The following MAX variants were observed in gnomAD, a reference collection of about 807,000 sequenced individuals.
MAX encodes the protein MYC associated transcriptional regulator X, also known as protein max.
Under a neutral mutation model 22.3 loss-of-function variants are expected in MAX, and 3 were observed. That is an observed-to-expected ratio of 0.13 (90% CI 0.06 to 0.35). The LOEUF is 0.35. MAX is among the 10% of genes least tolerant of loss of function. MAX has a pLI of 1.00. For synonymous variants in MAX, 72 were observed against 77.7 expected (o/e 0.93, Z 0.39); for missense variants, 119 against 209.4 (o/e 0.57, Z 2.66).
rs768105890 is a variant in MAX at position 65,027,565 on chromosome 14, A to G, written c.172-21281T>C. 6 of 1,614,076 alleles carry G rather than the reference A, an allele frequency of 3.7e-6. No homozygotes were observed. The African/African-American group carries it at 4.0e-5, about 11-fold the overall frequency. On this transcript the variant is annotated intron_variant, in intron 3 of 3. Transcript: ENST00000341653. The surrounding 1 kb of genome is among the most constrained non-coding windows in gnomAD (Gnocchi z 5.7). ...TGCAGCAGTCAATGCATTGTGCATC[A>G]TTGGCACCGAGGAGGCCTATGACAT... is the stretch of plus-strand genomic sequence containing the variant.
rs776021175 is a variant in MAX, at chr14:65,079,306, A to G, written c.172-1270T>C. Among the ~76,000 whole-genome samples, 1 of 152,198 alleles carries G rather than the reference A, an allele frequency of 6.6e-6. No individual in the cohort carries two copies. The highest frequency in any genetic ancestry group is 1.5e-5 in the Non-Finnish European group (1 of 68,026). ...CGGTGCTTGATGTCAACACAGGAAG[A>G]GCATGAGATTGGGCCATTTCAGGAA... On this transcript the variant is annotated intron_variant, in intron 3 of 4. Coordinates refer to ENST00000358664, the MANE Select transcript of MAX (RefSeq NM_002382.5). The surrounding 1 kb of genome is among the most constrained non-coding windows in gnomAD (Gnocchi z 4.5).
At chr14:65,008,851 A>G (rs1339348274) in intron 3 of MAX, among the ~76,000 whole-genome samples, 1 of 152,092 alleles carries the variant, frequency 6.6e-6, no homozygotes, top group Non-Finnish European at 1.5e-5. Context: ...GTACACATAG[A>G]TGTGTAAGTT....
intron 2 of MAX, among the ~76,000 whole-genome samples, chr14:65,099,037 T>C (rs1484759820): frequency 6.6e-6 from 1 of 152,194 alleles, no homozygotes; most frequent in Non-Finnish European, 1.5e-5. Context: ...ACATCTTTTT[T>C]TAAACCTTTT....
chr14:65,097,281 T>C (rs528139599), intron 2 of MAX, among the ~76,000 whole-genome samples: 3 of 152,384 alleles, frequency 2.0e-5, no homozygotes, highest in African/African-American at 7.2e-5. Context: ...AGAAGTCATC[T>C]AGGCTAAGGA....
intron 3 of MAX, among the ~76,000 whole-genome samples, chr14:65,059,630 G>C (rs2062816004): frequency 6.6e-6 from 1 of 152,054 alleles, no homozygotes; most frequent in Admixed American, 6.5e-5. Context: ...CTCTCCTGCA[G>C]TTGTGTCCCC....
At position 65,079,425 on chromosome 14, in the gene MAX, C is replaced by G. The variant is rs924897009; in HGVS notation, c.172-1389G>C. Among the ~76,000 whole-genome samples the G allele has an allele frequency of 6.6e-6, 1 of 152,192 alleles. No homozygotes were observed. Among genetic ancestry groups the G allele is most frequent in the African/African-American group, 2.4e-5 (1 of 41,434 alleles). ...ATAACATGGATGTCATGTTACTGTGCCCCTAGACATCAAACTTGTCTGGGA... is the reference window on the plus strand; with the variant it reads ...ATAACATGGATGTCATGTTACTGTGGCCCTAGACATCAAACTTGTCTGGGA... On this transcript the variant is annotated intron_variant, in intron 3 of 4. Coordinates refer to ENST00000358664, the MANE Select transcript of MAX (RefSeq NM_002382.5). This position sits in a 1 kb window ranked among gnomAD's most constrained non-coding sequence, Gnocchi z 4.5.
In MAX at chr14:65,096,913, T is replaced by G. The variant is rs571705503; in HGVS notation, c.64-3098A>C. ...AACATCTCCCCTACACATCCTATGG[T>G]TACAGTGGCTGGATGCTGCCCACTC... On this transcript the variant is annotated intron_variant, in intron 2 of 4. Coordinates refer to ENST00000358664, the MANE Select transcript of MAX (RefSeq NM_002382.5). Among the ~76,000 whole-genome samples the G allele has an allele frequency of 7.0e-4, 107 of 152,278 alleles. 1 individual carries two copies. Among genetic ancestry groups the G allele is most frequent in the African/African-American group, 2.5e-3 (105 of 41,542 alleles).
chr14:65,070,073 G>A lies in MAX; in HGVS notation c.171+23635C>T, dbSNP rs896768043. On this transcript the variant is annotated intron_variant, in intron 3 of 3. Coordinates refer to the MAX transcript ENST00000341653. The surrounding 1 kb of genome is among the most constrained non-coding windows in gnomAD (Gnocchi z 4.4). ...CTGTGCATGGGAGCCATGGGCTGCCGGGCTGCCAGGCTGCCAGCCGGATTC... is the reference window on the plus strand; with the variant it reads ...CTGTGCATGGGAGCCATGGGCTGCCAGGCTGCCAGGCTGCCAGCCGGATTC... Among the ~76,000 whole-genome samples the A allele has an allele frequency of 1.2e-4, 19 of 152,170 alleles. No homozygotes were observed. The highest frequency in any genetic ancestry group is 9.2e-4 in the Admixed American group (14 of 15,280).
At chr14:65,089,023 T>C (rs75651099) in intron 3 of MAX, among the ~76,000 whole-genome samples, 2,632 of 152,304 alleles carry the variant, frequency 0.017, 51 homozygotes, top group African/African-American at 0.04. Flanking sequence ...CAGCATGTTA[T>C]CTCATTATTG....
At chr14:65,008,965 C>T (rs991656769) in intron 3 of MAX, among the ~76,000 whole-genome samples, 10 of 152,208 alleles carry the variant, frequency 6.6e-5, no homozygotes, top group South Asian at 2.1e-4. Flanking sequence ...TCCTCATCCA[C>T]TTGAGCTGAC....
rs34140223 is a variant in MAX, at chr14:65,082,274, TGGA to T, written c.172-4241_172-4239del. The T allele has an allele frequency of 0.27, 41,135 of 151,924 alleles. 6,132 individuals are homozygous for T. The highest frequency in any genetic ancestry group is 0.34 in the Non-Finnish European group (23,037 of 67,922). The allele number at this position is 151,924 out of a possible 1,614,324, so 9.4% of individuals were successfully genotyped here. Reference sequence around the variant, plus strand: ...ACACTGTTGTCATGGAGGGGAAAGTTGGAGGAGGAAAAGGACTACGAAAGTCAC... The same window carrying T: ...ACACTGTTGTCATGGAGGGGAAAGTTGGAGGAAAAGGACTACGAAAGTCAC... On this transcript the variant is annotated intron_variant, in intron 3 of 4. Coordinates refer to ENST00000358664, the MANE Select transcript of MAX (RefSeq NM_002382.5). The surrounding 1 kb of genome is among the most constrained non-coding windows in gnomAD (Gnocchi z 4.8).
chr14:65,076,372 A>G lies in MAX; in HGVS notation c.*104T>C. 6.4e-7 allele frequency: 1 copy of G among 1,570,010 alleles called. No individual in the cohort carries two copies. ...TAAAAAAAAAAGGGAGAAAGAGAAA[A>G]ATAAAGAGTCTCTTAAATGGTTCTG... On this transcript the variant is annotated 3_prime_UTR_variant, in exon 5 of 5. Transcript: ENST00000358664. This position sits in a 1 kb window ranked among gnomAD's most constrained non-coding sequence, Gnocchi z 6.6.
rs2063875915 is a variant in MAX at position 65,102,348 on chromosome 14, G to A, written c.-9C>T. The stretch of plus-strand genomic sequence containing the variant: ...TCATCGTTATCGCTCATTTCCTACG[G>A]CCCAGGGAGCGGCCACTGCAGCGGC... On this transcript the variant is annotated 5_prime_UTR_variant, in exon 1 of 5. Transcript: ENST00000358664. 1.2e-6 allele frequency: 2 copies of A among 1,613,648 alleles called. No homozygotes were observed. Among genetic ancestry groups the A allele is most frequent in the Admixed American group, 1.7e-5 (1 of 59,996 alleles).
intron 3 of MAX, among the ~76,000 whole-genome samples, chr14:65,041,398 C>T: frequency 6.6e-6 from 1 of 152,164 alleles, no homozygotes; most frequent in East Asian, 1.9e-4. Context: ...GTCTGGACCC[C>T]ACGCTCCTGG....
intron 3 of MAX, chr14:65,061,247 C>T (rs770838142): frequency 1.9e-6 from 3 of 1,614,186 alleles, no homozygotes; most frequent in Admixed American, 1.7e-5. Flanking sequence ...ATACTTTCTA[C>T]AGAAGCCAGT....
intron 3 of MAX, among the ~76,000 whole-genome samples, chr14:65,060,056 C>T (rs2139696825): frequency 6.6e-6 from 1 of 151,730 alleles, no homozygotes; most frequent in East Asian, 2.0e-4. Context: ...TGGTCTTGAA[C>T]TCCTGACCTC....
Position 65,061,290 on chromosome 14 carries a change from C to T in MAX, c.171+32418G>A, listed in dbSNP as rs149796207. On this transcript the variant is annotated intron_variant, in intron 3 of 3. Transcript: ENST00000341653. ...TTTGAGGAGCTTAAGGATGAGACAT[C>T]GGCAGAGCCTGCAACCGACTAGAGG... 2,350 of 1,613,974 alleles carry T rather than the reference C, an allele frequency of 1.5e-3. 3 individuals carry two copies. Among genetic ancestry groups the T allele is most frequent in the Non-Finnish European group, 1.8e-3 (2,117 of 1,179,988 alleles).
intron 3 of MAX, among the ~76,000 whole-genome samples, chr14:65,083,330 T>A (rs2063245772): frequency 6.6e-6 from 1 of 152,228 alleles, no homozygotes; most frequent in Non-Finnish European, 1.5e-5. Flanking sequence ...AGGCCCCAAA[T>A]GACTCCTGAA....
rs1259856310 is a variant in MAX at position 65,031,618 on chromosome 14, A to C, written c.172-25334T>G. Reference sequence around the variant, plus strand: ...GGCATGAGCAACTGTGCCCAGCCTAATAATGCTTTTTTAAAAAATAGCCCG... The same window carrying C: ...GGCATGAGCAACTGTGCCCAGCCTACTAATGCTTTTTTAAAAAATAGCCCG... On this transcript the variant is annotated intron_variant, in intron 3 of 3. Transcript: ENST00000341653. This position sits in a 1 kb window ranked among gnomAD's most constrained non-coding sequence, Gnocchi z 4.6. Among the ~76,000 whole-genome samples the C allele has an allele frequency of 1.3e-5, 2 of 152,054 alleles. No individual in the cohort carries two copies. The highest frequency in any genetic ancestry group is 2.9e-5 in the Non-Finnish European group (2 of 67,994).
Sources: gnomAD v4.1 joint callset for allele counts (sites outside exome capture counted in the v4.1 genomes callset) on GRCh38, gnomAD v4.1.1 for gene constraint, Gnocchi (gnomAD v3.1) non-coding constraint, MANE v1.5 for transcripts, NCBI Gene and HGNC (gene_info 2026-07-23, HGNC 2026-07-21) for gene names.